SORCS1: variants seen among roughly 807,000 people sequenced by gnomAD.
The protein encoded by SORCS1 is VPS10 domain-containing receptor SorCS1.
SORCS1 carries 60 observed loss-of-function variants against 146.1 expected under a neutral mutation model. The ratio of observed to expected loss-of-function variants is 0.41; its 90% CI spans 0.33 to 0.51. SORCS1 has a LOEUF of 0.51. SORCS1 is among the 20% of genes least tolerant of loss of function. The pLI is 0.21. For missense variants in SORCS1, 1,352 were observed against 1,487.6 expected, an observed-to-expected ratio of 0.91 and a Z score of 1.50; for synonymous variants, 637 against 584.0, an observed-to-expected ratio of 1.09 and a Z score of -1.31.
intron 3 of SORCS1, among the ~76,000 whole-genome samples, chr10:106,802,495 C>G (rs1235234009): frequency 7.1e-6 from 1 of 140,904 alleles, no homozygotes; most frequent in Non-Finnish European, 1.6e-5. Flanking sequence ...CTAAACCCAG[C>G]TAATTTTTTT....
chr10:106,727,373 C>CA (rs1856278850), intron 6 of SORCS1, among the ~76,000 whole-genome samples: 1 of 152,184 alleles, frequency 6.6e-6, no homozygotes, highest in Non-Finnish European at 1.5e-5. Flanking sequence ...CATGGGATCT[C>CA]ACTATATTGC....
chr10:107,090,808 G>C (rs985762741), intron 1 of SORCS1, among the ~76,000 whole-genome samples: 2 of 152,172 alleles, frequency 1.3e-5, no homozygotes, highest in African/African-American at 2.4e-5. Context: ...TCTGAGCTGG[G>C]ATGTAGAACC....
intron 1 of SORCS1, among the ~76,000 whole-genome samples, chr10:106,968,724 A>G (rs1464044820): frequency 2.6e-5 from 4 of 152,240 alleles, no homozygotes; most frequent in Non-Finnish European, 5.9e-5. Flanking sequence ...AAACTGGAAT[A>G]AAAACTGAAA....
chr10:106,767,794 T>C (rs1302576224), intron 4 of SORCS1, among the ~76,000 whole-genome samples: 2 of 152,142 alleles, frequency 1.3e-5, no homozygotes, highest in Non-Finnish European at 2.9e-5. Flanking sequence ...CCCGGCCCCT[T>C]AAAGGTTCTT....
the SORCS1 span, among the ~76,000 whole-genome samples, chr10:107,169,916 G>A: frequency 1.3e-5 from 2 of 152,090 alleles, no homozygotes; most frequent in Admixed American, 6.5e-5. Flanking sequence ...AGGATAGTTT[G>A]CATAATTAAG....
chr10:107,151,978 A>C (rs1968837104), intron 1 of SORCS1, among the ~76,000 whole-genome samples: 5 of 152,074 alleles, frequency 3.3e-5, no homozygotes, highest in Admixed American at 3.3e-4. Flanking sequence ...TCCATCACAG[A>C]CCCAGAGGCC....
intron 1 of SORCS1, among the ~76,000 whole-genome samples, chr10:107,002,583 C>T (rs1180134342): frequency 6.6e-6 from 1 of 152,172 alleles, no homozygotes; most frequent in Non-Finnish European, 1.5e-5. Flanking sequence ...TGTAAGAACA[C>T]ATAGCATAGC....
Position 106,629,297 on chromosome 10 carries a change from T to G in SORCS1, c.2567A>C (p.Lys856Thr). 1 of 1,614,154 alleles carries G rather than the reference T, an allele frequency of 6.2e-7. No homozygotes were observed. The highest frequency in any genetic ancestry group is 8.5e-7 in the Non-Finnish European group (1 of 1,180,010). ...AATGCCCACGTTCTGATAGACGTGT[T>G]TGATCCCATCTTCCATGGAGCTGAG... Reference protein sequence around the residue: ...VNLSSMEDGIKHVYQNVGIFR... With the variant: ...VNLSSMEDGITHVYQNVGIFR... Residue 856 changes from lysine to threonine, a missense_variant, in exon 19 of 26, where the codon AAA becomes ACA. Lys to Thr is a moderately conservative substitution (Grantham distance 78). This residue lies in a region of SORCS1 where 648 missense variants were observed against 793.8 expected (regional missense o/e 0.82). Coordinates refer to ENST00000263054, the MANE Select transcript of SORCS1 (RefSeq NM_052918.5).
At chr10:106,685,873 C>T (rs1345473611) in intron 10 of SORCS1, among the ~76,000 whole-genome samples, 3 of 152,130 alleles carry the variant, frequency 2.0e-5, no homozygotes, top group African/African-American at 4.8e-5. Context: ...CATTTACACA[C>T]AATTTTAAAA....
intron 3 of SORCS1, among the ~76,000 whole-genome samples, chr10:106,810,581 T>G (rs944940736): frequency 6.6e-6 from 1 of 152,206 alleles, no homozygotes. Flanking sequence ...CTCCCCTCCC[T>G]GGGCTTAACA....
chr10:106,993,328 C>A (rs554716830), intron 1 of SORCS1, among the ~76,000 whole-genome samples: 35 of 152,308 alleles, frequency 2.3e-4, no homozygotes, highest in African/African-American at 8.2e-4. Flanking sequence ...CAAAGCTGCA[C>A]TGGTGGTTTT....
At chr10:106,776,893 G>C (rs2136375659) in intron 3 of SORCS1, among the ~76,000 whole-genome samples, 1 of 152,244 alleles carries the variant, frequency 6.6e-6, no homozygotes, top group South Asian at 2.1e-4. Context: ...AAGAAATGAA[G>C]GGAGTAGGAG....
At chr10:106,687,836 T>C (rs568066201) in intron 10 of SORCS1, among the ~76,000 whole-genome samples, 151 of 152,300 alleles carry the variant, frequency 9.9e-4, no homozygotes, top group African/African-American at 3.3e-3. Flanking sequence ...AATTTATGTA[T>C]CATTAGTTCT....
chr10:106,798,347 G>C (rs1277688823), intron 3 of SORCS1, among the ~76,000 whole-genome samples: 1 of 152,116 alleles, frequency 6.6e-6, no homozygotes, highest in South Asian at 2.1e-4. Flanking sequence ...GTGCAGGTTT[G>C]TTACATATGT....
intron 1 of SORCS1, among the ~76,000 whole-genome samples, chr10:107,018,914 C>T (rs996535296): frequency 9.2e-5 from 14 of 152,154 alleles, no homozygotes; most frequent in African/African-American, 3.1e-4. Flanking sequence ...TTAACAGTAC[C>T]GTTTGGTGGA....
chr10:106,840,863 A>ATATATT (rs1332839160), intron 2 of SORCS1, among the ~76,000 whole-genome samples: 1 of 124,166 alleles, frequency 8.1e-6, no homozygotes. Flanking sequence ...ATATATATAT[A>ATATATT]TTTTTTTTTT....
intron 1 of SORCS1, among the ~76,000 whole-genome samples, chr10:106,959,078 G>C (rs1456124100): frequency 6.6e-6 from 1 of 152,224 alleles, no homozygotes; most frequent in Non-Finnish European, 1.5e-5. Flanking sequence ...AGGTGCCCCG[G>C]AGAAGGAACC....
At chr10:106,617,321 T>C (rs1419968800) in intron 21 of SORCS1, among the ~76,000 whole-genome samples, 3 of 152,096 alleles carry the variant, frequency 2.0e-5, no homozygotes, top group Admixed American at 6.5e-5. Flanking sequence ...CTGCACAGCA[T>C]TTCCTTCTCC....
chr10:107,011,358 T>G, intron 1 of SORCS1, among the ~76,000 whole-genome samples: 1 of 152,224 alleles, frequency 6.6e-6, no homozygotes, highest in Admixed American at 6.5e-5. Flanking sequence ...GTGATTAAAC[T>G]CATCAAGAGC....
Sources: gnomAD v4.1 joint callset for allele counts (sites outside exome capture counted in the v4.1 genomes callset) on GRCh38, gnomAD v4.1.1 for gene constraint, gnomAD v4.1.1 regional missense constraint, MANE v1.5 for transcripts, NCBI Gene and HGNC (gene_info 2026-07-23, HGNC 2026-07-21) for gene names.